The following DPYD variants were observed in gnomAD, a reference collection of about 807,000 sequenced individuals.
DPYD encodes dihydropyrimidine dehydrogenase [NADP(+)].
A neutral mutation model predicts 116.2 loss-of-function variants in DPYD; 109 were observed. The observed-to-expected ratio is 0.94, with a 90% CI of 0.80 to 1.10. DPYD has a LOEUF of 1.10. DPYD is among the 50% of genes least tolerant of loss of function. The probability of loss-of-function intolerance (pLI) is 0.00; values close to 1 mark genes in which losing one functional copy is unlikely to be tolerated. For missense variants in DPYD, 1,302 were observed against 1,254.5 expected (o/e 1.04, Z -0.57); for synonymous variants, 440 against 432.0 (o/e 1.02, Z -0.23).
chr1:97,152,622 T>C (rs1655115173), intron 20 of DPYD, among the ~76,000 whole-genome samples: 1 of 151,116 alleles, frequency 6.6e-6, no homozygotes, highest in African/African-American at 2.4e-5. Flanking sequence ...ATAGTACTTA[T>C]ATCTATTGTA....
At chr1:97,492,627 A>G (rs1679034934) in intron 13 of DPYD, among the ~76,000 whole-genome samples, 1 of 152,174 alleles carries the variant, frequency 6.6e-6, no homozygotes, top group Non-Finnish European at 1.5e-5. Flanking sequence ...TTGATCACAG[A>G]ATGAGCATGC....
At position 97,382,436 on chromosome 1, in the gene DPYD, C is replaced by T. The variant is rs548783838; in HGVS notation, c.1931G>A (p.Ser644Asn). ...DNIVIASIMCSYNKNDWTELA... is the reference protein window; with the variant it reads ...DNIVIASIMCNYNKNDWTELA... ...TTCCGTCCAGTCATTTTTATTGTAA[C>T]TGCACATAATGCTAGCAATCACAAT... Residue 644 changes from serine to asparagine, a missense_variant, in exon 15 of 23, where the codon AGT (serine) becomes AAT (asparagine). Ser to Asn is a conservative substitution (Grantham distance 46, BLOSUM62 1). Coordinates refer to ENST00000370192, the MANE Select transcript of DPYD (RefSeq NM_000110.4). 1.9e-6 allele frequency: 3 copies of T among 1,596,906 alleles called. No homozygotes were observed. In the African/African-American group the frequency reaches 4.0e-5, roughly 21 times the overall value.
intron 3 of DPYD, among the ~76,000 whole-genome samples, chr1:97,795,075 A>G (rs1261507672): frequency 1.3e-5 from 2 of 152,104 alleles, no homozygotes; most frequent in African/African-American, 4.8e-5. Flanking sequence ...TTCCAAAATA[A>G]TAATAATGTG....
chr1:97,331,412 C>T (rs540983465), intron 16 of DPYD, among the ~76,000 whole-genome samples: 15 of 152,146 alleles, frequency 9.9e-5, no homozygotes, highest in African/African-American at 1.7e-4. Flanking sequence ...CAGGAGAGTT[C>T]GAGGTTACAG....
At chr1:97,170,829 C>T (rs988914925) in intron 20 of DPYD, among the ~76,000 whole-genome samples, 1 of 152,066 alleles carries the variant, frequency 6.6e-6, no homozygotes, top group Non-Finnish European at 1.5e-5. Flanking sequence ...GCTCAAGCCA[C>T]CACACCCAGT....
chr1:97,823,545 T>C (rs983486797), intron 3 of DPYD, among the ~76,000 whole-genome samples: 1 of 152,192 alleles, frequency 6.6e-6, no homozygotes, highest in Non-Finnish European at 1.5e-5. Flanking sequence ...TCTACTTCTA[T>C]GAGATGAACG....
chr1:97,739,950 A>T (rs1435334226), intron 4 of DPYD, among the ~76,000 whole-genome samples: 2 of 152,090 alleles, frequency 1.3e-5, no homozygotes, highest in African/African-American at 4.8e-5. Flanking sequence ...AATTATTTCA[A>T]GTCTTAAACA....
At chr1:97,683,404 C>T (rs1571184490) in intron 7 of DPYD, among the ~76,000 whole-genome samples, 1 of 151,444 alleles carries the variant, frequency 6.6e-6, no homozygotes, top group Non-Finnish European at 1.5e-5. Context: ...AAGGTAATAC[C>T]TCTATTAGAT....
chr1:97,288,442 C>A (rs896746423), intron 18 of DPYD, among the ~76,000 whole-genome samples: 16 of 151,926 alleles, frequency 1.1e-4, no homozygotes, highest in East Asian at 3.9e-4. Context: ...GGAAGTAAAG[C>A]TCTCCTCAGC....
chr1:97,453,613 A>G (rs1676533901), intron 13 of DPYD, among the ~76,000 whole-genome samples: 1 of 152,124 alleles, frequency 6.6e-6, no homozygotes, highest in Non-Finnish European at 1.5e-5. Context: ...ATAAGCTGAC[A>G]ATATTTAATT....
chr1:97,306,718 T>C (rs1212083557), intron 16 of DPYD, among the ~76,000 whole-genome samples: 3 of 151,968 alleles, frequency 2.0e-5, no homozygotes, highest in Non-Finnish European at 4.4e-5. Context: ...AAGTGAATGA[T>C]ATTAAATCTA....
intron 14 of DPYD, among the ~76,000 whole-genome samples, chr1:97,432,034 T>C (rs984230132): frequency 3.3e-5 from 5 of 152,166 alleles, no homozygotes; most frequent in African/African-American, 1.2e-4. Context: ...TTGCAAATGA[T>C]AGAATTTCAT....
At position 97,573,898 on chromosome 1, in the gene DPYD, C is replaced by T. The variant is rs1373691961; in HGVS notation, c.1201G>A (p.Gly401Arg). ...ACAAACTGCATAGCAACAATTCTCC[C>T]ACCTTTTACTATAACCTTCCGTGGG... Reference protein sequence around the residue: ...LSPRKVIVKGGRIVAMQFVRT... With the variant: ...LSPRKVIVKGRRIVAMQFVRT... Residue 401 changes from glycine (G) to arginine (R), a missense_variant, in exon 11 of 23, where the codon GGG becomes AGG. Coordinates refer to ENST00000370192, the MANE Select transcript of DPYD (RefSeq NM_000110.4). 13 of 1,613,604 alleles carry T rather than the reference C, an allele frequency of 8.1e-6. No homozygotes were observed. Among genetic ancestry groups the T allele is most frequent in the African/African-American group, 1.3e-5 (1 of 74,892 alleles).
In DPYD at chr1:97,696,986, T is replaced by C. The variant is rs75557790; in HGVS notation, c.680+2365A>G. ...AGCATTGGCCTCACTATCCTAACAA[T>C]AACATCATAATCCTTATATATTAAT... On this transcript the variant is annotated intron_variant, in intron 6 of 22. Transcript: ENST00000370192. Among the ~76,000 whole-genome samples, 141 of 152,166 alleles carry C rather than the reference T, an allele frequency of 9.3e-4. 2 individuals carry two copies. In the East Asian group the frequency reaches 0.024, roughly 26 times the overall value.
chr1:97,305,178 G>C, intron 18 of DPYD, 81 bp downstream of exon 18: 1 of 1,600,654 alleles, frequency 6.2e-7, no homozygotes, highest in African/African-American at 1.3e-5. Flanking sequence ...ATCATAAAGG[G>C]CACAAAACTC....
intron 2 of DPYD, among the ~76,000 whole-genome samples, chr1:97,842,630 G>A (rs533559365): frequency 1.3e-5 from 2 of 151,796 alleles, no homozygotes; most frequent in Non-Finnish European, 2.9e-5. Flanking sequence ...CTAACATCAC[G>A]ATTATTATTT....
intron 14 of DPYD, among the ~76,000 whole-genome samples, chr1:97,417,181 A>C (rs1674332730): frequency 6.6e-6 from 1 of 152,140 alleles, no homozygotes; most frequent in Non-Finnish European, 1.5e-5. Context: ...AATGTCTTGG[A>C]TAAGTTAAGT....
intron 18 of DPYD, among the ~76,000 whole-genome samples, chr1:97,274,938 A>G (rs1480340092): frequency 6.6e-6 from 1 of 152,196 alleles, no homozygotes; most frequent in East Asian, 1.9e-4. Context: ...CATAAGATGC[A>G]TGGAATCAGG....
intron 18 of DPYD, among the ~76,000 whole-genome samples, chr1:97,289,141 A>C (rs568472972): frequency 6.6e-6 from 1 of 152,344 alleles, no homozygotes; most frequent in South Asian, 2.1e-4. Flanking sequence ...AACCAAGAAG[A>C]AGCTGAATCT....
Sources: allele counts gnomAD v4.1 joint callset (sites outside exome capture counted in the v4.1 genomes callset), GRCh38; gene constraint gnomAD v4.1.1; transcripts MANE v1.5; gene names NCBI Gene and HGNC (gene_info 2026-07-23, HGNC 2026-07-21).